Variants in LRRC49 observed in about 807,000 individuals in gnomAD.
LRRC49 encodes leucine rich repeat containing 49.
LRRC49 carries 50 observed loss-of-function variants against 83.3 expected under a neutral mutation model. That is an observed-to-expected ratio of 0.60 (90% CI 0.48 to 0.76). The LOEUF (loss-of-function observed/expected upper bound fraction) is 0.76. Ranked by LOEUF, LRRC49 falls within the 30% of genes least tolerant of loss-of-function variation. The pLI, the probability that LRRC49 is intolerant of heterozygous loss-of-function variation, is 0.00. For synonymous variants in LRRC49, 286 were observed against 283.3 expected (o/e 1.01, Z -0.10); for missense variants, 704 against 809.1 (o/e 0.87, Z 1.58).
Position 70,854,495 on chromosome 15 carries a change from TTC to T in LRRC49, c.-299+1028_-299+1029del, listed in dbSNP as rs1243218082. ...CAGGGATGGGCGCAGCACAGCTGAC[TTC>T]TGTTTGTGCTTGACTCCGGGGGTGG... On this transcript the variant is annotated intron_variant, in intron 1 of 16. Transcript: ENST00000544974. 2.0e-5 allele frequency among the ~76,000 whole-genome samples: 3 copies of T among 152,244 alleles called. No homozygotes were observed. In the East Asian group the frequency reaches 5.8e-4, roughly 29 times the overall value.
chr15:70,943,439 A>T (rs531612267), intron 8 of LRRC49, among the ~76,000 whole-genome samples: 26 of 152,290 alleles, frequency 1.7e-4, no homozygotes, highest in African/African-American at 6.0e-4. Context: ...CAAGTGGGCA[A>T]CTTGAGAGAT....
chr15:70,941,970 A>G (rs2035834606), intron 8 of LRRC49, among the ~76,000 whole-genome samples: 1 of 151,894 alleles, frequency 6.6e-6, no homozygotes, highest in Admixed American at 6.6e-5. Flanking sequence ...TTGCAAACTC[A>G]CAGGAAATTT....
At chr15:70,884,506 T>C (rs2033351236) in intron 2 of LRRC49, among the ~76,000 whole-genome samples, 1 of 150,828 alleles carries the variant, frequency 6.6e-6, no homozygotes, top group Non-Finnish European at 1.5e-5. Flanking sequence ...GGCGACAGAG[T>C]GAGGCTCTGT....
At chr15:70,909,320 C>T (rs1052923231) in intron 5 of LRRC49, among the ~76,000 whole-genome samples, 7 of 152,044 alleles carry the variant, frequency 4.6e-5, no homozygotes, top group Admixed American at 2.0e-4. Flanking sequence ...CATAAATAGT[C>T]AGTGTTTTTA....
chr15:70,870,657 A>C lies in LRRC49; in HGVS notation c.-298-2251A>C, dbSNP rs1395555810. Among the ~76,000 whole-genome samples the C allele has an allele frequency of 1.3e-5, 2 of 151,998 alleles. 1 individual carries two copies. Among genetic ancestry groups the C allele is most frequent in the Non-Finnish European group, 2.9e-5 (2 of 68,002 alleles). ...AGGAATGTGCCACCACGCCCAGCTA[A>C]TTTTGTATTTTTAGTAGAGACAGGG... is the stretch of plus-strand genomic sequence containing the variant. On this transcript the variant is annotated intron_variant, in intron 1 of 16. Transcript: ENST00000544974.
At chr15:70,921,299 CT>C (rs974382213) in intron 7 of LRRC49, among the ~76,000 whole-genome samples, 10 of 152,082 alleles carry the variant, frequency 6.6e-5, no homozygotes, top group African/African-American at 2.4e-4. Flanking sequence ...CCCTCTGATT[CT>C]TATGTAGAGG....
intron 1 of LRRC49, among the ~76,000 whole-genome samples, chr15:70,870,978 T>C (rs1776538905): frequency 6.7e-6 from 1 of 148,800 alleles, no homozygotes; most frequent in African/African-American, 2.5e-5. Context: ...TATTTATTGA[T>C]CATTCTTGGG....
chr15:70,859,584 C>T (rs866510264), intron 1 of LRRC49: 6 of 656,730 alleles, frequency 9.1e-6, no homozygotes, highest in South Asian at 2.8e-5. Context: ...GAGCTGCAGA[C>T]GCTGGCTGGG....
chr15:70,944,456 G>C (rs1442947509), intron 8 of LRRC49, among the ~76,000 whole-genome samples: 1 of 151,962 alleles, frequency 6.6e-6, no homozygotes, highest in Non-Finnish European at 1.5e-5. Flanking sequence ...CCAGGCTGTA[G>C]TGCACTGGCG....
intron 11 of LRRC49, among the ~76,000 whole-genome samples, chr15:70,994,107 A>G (rs1226244867): frequency 6.6e-6 from 1 of 152,212 alleles, no homozygotes; most frequent in Admixed American, 6.5e-5. Flanking sequence ...TCGGCTTCCC[A>G]AACTGCTAGG....
chr15:70,913,111 A>G (rs2034617713), intron 6 of LRRC49, among the ~76,000 whole-genome samples: 1 of 152,230 alleles, frequency 6.6e-6, no homozygotes, highest in African/African-American at 2.4e-5. Flanking sequence ...CATGAGCTAC[A>G]TACTTATGCA....
At chr15:70,984,014 C>T (rs1461479657) in intron 10 of LRRC49, 80 bp from the exon 11 acceptor site, 2 of 1,041,300 alleles carry the variant, frequency 1.9e-6, no homozygotes, top group African/African-American at 3.2e-5. Flanking sequence ...TAAGAAGGCA[C>T]AAACAATATG....
At chr15:71,003,044 TCTC>T (rs1292652863) in intron 11 of LRRC49, among the ~76,000 whole-genome samples, 1 of 132,978 alleles carries the variant, frequency 7.5e-6, no homozygotes, top group East Asian at 2.6e-4. Flanking sequence ...TTCAAGCAAT[TCTC>T]CTGCCTCAGC....
chr15:70,987,434 T>C (rs1374203925), intron 11 of LRRC49, among the ~76,000 whole-genome samples: 1 of 152,240 alleles, frequency 6.6e-6, no homozygotes, highest in Non-Finnish European at 1.5e-5. Flanking sequence ...GAGGTGTTTG[T>C]AGTATTCTCT....
chr15:70,996,655 C>T (rs1010243065), intron 11 of LRRC49, among the ~76,000 whole-genome samples: 1 of 152,144 alleles, frequency 6.6e-6, no homozygotes, highest in Non-Finnish European at 1.5e-5. Flanking sequence ...AACTATATAT[C>T]TATAGTTGCT....
intron 15 of LRRC49, among the ~76,000 whole-genome samples, chr15:71,042,241 G>A (rs1161746577): frequency 1.3e-5 from 2 of 152,054 alleles, no homozygotes; most frequent in Non-Finnish European, 2.9e-5. Context: ...CTCCTACCTT[G>A]TCCTTCCAAG....
At position 71,049,745 on chromosome 15, in the gene LRRC49, C is replaced by T; in HGVS notation, c.*133C>T. On this transcript the variant is annotated 3_prime_UTR_variant, in exon 16 of 16. Coordinates refer to ENST00000260382, the MANE Select transcript of LRRC49 (RefSeq NM_017691.5). ...AGACTAGTATAAAAGCATTATTGCCCACTGTTCTCATAGCTAAAAGTTAAG... is the reference window on the plus strand; with the variant it reads ...AGACTAGTATAAAAGCATTATTGCCTACTGTTCTCATAGCTAAAAGTTAAG... 1.7e-6 allele frequency: 1 copy of T among 601,920 alleles called. No individual in the cohort carries two copies. Among genetic ancestry groups the T allele is most frequent in the Non-Finnish European group, 2.9e-6 (1 of 349,508 alleles). 37.3% of individuals were successfully genotyped at this position (601,920 alleles called of 1,614,324 possible). A position where few individuals can be genotyped will look rare whatever the true frequency, so the allele number is the denominator to read the frequency against.
At position 71,050,472 on chromosome 15, in the gene LRRC49, A is replaced by G. The variant is rs1367783707; in HGVS notation, c.*860A>G. 1 of 152,220 alleles carries G rather than the reference A, an allele frequency of 6.6e-6. No individual in the cohort carries two copies. The highest frequency in any genetic ancestry group is 2.4e-5 in the African/African-American group (1 of 41,462). The allele number at this position is 152,220 out of a possible 1,614,324, so 9.4% of individuals were successfully genotyped here. ...CTAATTTTTAAAATTTCATTTGAAGATCAAATTCATGCTGGTGAGAAGGGT... is the reference window on the plus strand; with the variant it reads ...CTAATTTTTAAAATTTCATTTGAAGGTCAAATTCATGCTGGTGAGAAGGGT... On this transcript the variant is annotated 3_prime_UTR_variant, in exon 16 of 16. Transcript: ENST00000260382.
chr15:70,970,335 A>G (rs572206345), intron 9 of LRRC49, among the ~76,000 whole-genome samples: 143 of 152,274 alleles, frequency 9.4e-4, no homozygotes, highest in African/African-American at 3.4e-3. Flanking sequence ...AGCTGGGTTG[A>G]TCGTGGTGGA....
Sources: allele counts gnomAD v4.1 joint callset (sites outside exome capture counted in the v4.1 genomes callset), GRCh38; gene constraint gnomAD v4.1.1; transcripts MANE v1.5; gene names NCBI Gene and HGNC (gene_info 2026-07-23, HGNC 2026-07-21).